Variants in SLC12A9 observed in about 807,000 individuals in gnomAD.
The protein encoded by SLC12A9 is solute carrier family 12 member 9, also known as CCC-interacting protein 1.
Under a neutral mutation model 66.0 loss-of-function variants are expected in SLC12A9, and 55 were observed. The ratio of observed to expected loss-of-function variants is 0.83; its 90% CI spans 0.67 to 1.04. The LOEUF (loss-of-function observed/expected upper bound fraction) is 1.04. Among genes scored for constraint, SLC12A9 ranks in the 50% least tolerant of loss-of-function variants. The probability of loss-of-function intolerance (pLI) is 0.00; values close to 1 mark genes in which losing one functional copy is unlikely to be tolerated. For missense variants in SLC12A9, 1,061 were observed against 1,241.9 expected (o/e 0.85, Z 2.19); for synonymous variants, 577 against 569.0 (o/e 1.01, Z -0.20).
chr7:100,860,697 C>T (rs1015546990), intron 9 of SLC12A9: 3 of 370,808 alleles, frequency 8.1e-6, no homozygotes, highest in African/African-American at 6.3e-5. Context: ...TGCACTTGCA[C>T]TTTACAGGGC....
At chr7:100,851,635 A>C (rs1814081737), upstream of SLC12A9, among the ~76,000 whole-genome samples, 1 of 55,308 alleles carries the variant, frequency 1.8e-5, no homozygotes. Flanking sequence ...TCTACAAAAT[A>C]TTTAAAAATT....
intron 3 of SLC12A9, 57 bp from the exon 4 acceptor site, chr7:100,855,648 CT>C: frequency 6.2e-7 from 1 of 1,610,324 alleles, no homozygotes; most frequent in Non-Finnish European, 8.5e-7. Flanking sequence ...GCTATGGCAA[CT>C]TCCTCACGTC....
In SLC12A9 at chr7:100,852,834, G is replaced by C. The variant is rs1019686410; in HGVS notation, c.-44G>C. 2.6e-5 allele frequency: 4 copies of C among 152,300 alleles called. No homozygotes were observed. Among genetic ancestry groups the C allele is most frequent in the African/African-American group, 9.6e-5 (4 of 41,472 alleles). The allele number at this position is 152,300 out of a possible 1,614,324, so 9.4% of individuals were successfully genotyped here. A position where few individuals can be genotyped will look rare whatever the true frequency, so the allele number is the denominator to read the frequency against. On this transcript the variant is annotated splice_region_variant and 5_prime_UTR_variant, in exon 1 of 14. Coordinates refer to ENST00000354161, the MANE Select transcript of SLC12A9 (RefSeq NM_020246.4). ...ATCGCCCCCGAGCGCTGCGTCCTGCGGGTGGGTGAGTGAGCGCCTCGCGGC... is the reference window on the plus strand; with the variant it reads ...ATCGCCCCCGAGCGCTGCGTCCTGCCGGTGGGTGAGTGAGCGCCTCGCGGC...
chr7:100,844,602 A>G (rs2116537278), intron 1 of SLC12A9, among the ~76,000 whole-genome samples: 1 of 152,300 alleles, frequency 6.6e-6, no homozygotes, highest in South Asian at 2.1e-4. Flanking sequence ...GTGTCATTTA[A>G]GCCACTTAAA....
Position 100,855,982 on chromosome 7 carries a change from C to T in SLC12A9, c.448+145C>T, listed in dbSNP as rs926907872. 17 of 1,288,782 alleles carry T rather than the reference C, an allele frequency of 1.3e-5. No individual in the cohort carries two copies. In the African/African-American group the frequency reaches 1.8e-4, roughly 14 times the overall value. The allele number at this position is 1,288,782 out of a possible 1,614,324, so 79.8% of individuals were successfully genotyped here. A position where few individuals can be genotyped will look rare whatever the true frequency, so the allele number is the denominator to read the frequency against. On this transcript the variant is annotated intron_variant, in intron 4 of 13. Coordinates refer to ENST00000354161, the MANE Select transcript of SLC12A9 (RefSeq NM_020246.4). The stretch of plus-strand genomic sequence containing the variant: ...GGAGCTTCTGCTGTGTGGCCAGCAT[C>T]GTGCAGGAGATATGGACATCCCTGA...
chr7:100,851,710 G>C (rs1814085313), upstream of SLC12A9, among the ~76,000 whole-genome samples: 1 of 146,450 alleles, frequency 6.8e-6, no homozygotes, highest in Non-Finnish European at 1.5e-5. Context: ...GAGGATGCTT[G>C]AGCCGGAAAT....
chr7:100,837,353 G>A (rs1397086037), intron 1 of SLC12A9: 1 of 152,198 alleles, frequency 6.6e-6, no homozygotes, highest in Non-Finnish European at 1.5e-5. Flanking sequence ...AAAAAATGGT[G>A]GAGAGGACGA....
At chr7:100,849,413 C>A (rs1814007491), upstream of SLC12A9, among the ~76,000 whole-genome samples, 1 of 151,656 alleles carries the variant, frequency 6.6e-6, no homozygotes, top group African/African-American at 2.4e-5. Flanking sequence ...AACATTGAGA[C>A]CCAGTCAAGA....
chr7:100,866,143 G>A lies in SLC12A9; in HGVS notation c.2283G>A (p.Trp761Ter). Reference sequence around the variant, plus strand: ...CCATCTTGGGCATGGTGCCCGCTTGGCATAGCGCCCGGCTCCGGATCTTCC... The same window carrying A: ...CCATCTTGGGCATGGTGCCCGCTTGACATAGCGCCCGGCTCCGGATCTTCC... ...MATILGMVPA[W>*]HSARLRIFLC... Residue 761 changes from tryptophan to a stop codon, truncating the protein, a stop_gained, in exon 14 of 14, where the codon TGG (tryptophan) becomes TGA (stop). Coordinates refer to ENST00000354161, the MANE Select transcript of SLC12A9 (RefSeq NM_020246.4). LOFTEE classifies it high-confidence loss of function. This position sits in a 1 kb window ranked among gnomAD's most constrained non-coding sequence, Gnocchi z 7.3. 5 of 1,612,886 alleles carry A rather than the reference G, an allele frequency of 3.1e-6. No homozygotes were observed. The highest frequency in any genetic ancestry group is 8.5e-7 in the Non-Finnish European group (1 of 1,179,810).
At chr7:100,845,019 C>T (rs1813876838) in intron 1 of SLC12A9, among the ~76,000 whole-genome samples, 1 of 151,956 alleles carries the variant, frequency 6.6e-6, no homozygotes, top group Non-Finnish European at 1.5e-5. Flanking sequence ...TTGGTACCTA[C>T]ATACCCAGTT....
At chr7:100,851,231 T>A (rs1414533738), upstream of SLC12A9, among the ~76,000 whole-genome samples, 1 of 152,020 alleles carries the variant, frequency 6.6e-6, no homozygotes, top group Non-Finnish European at 1.5e-5. Context: ...AGAGTCAGAT[T>A]TTTTTCTTTA....
Position 100,862,731 on chromosome 7 carries a change from C to T in SLC12A9, c.1762C>T (p.Leu588=), listed in dbSNP as rs749899996. ...GCCGCAGTATGGGGCATGGCTCAGCCTGGTGGACCGTGCCCAGGTGAAGGC... is the reference window on the plus strand; with the variant it reads ...GCCGCAGTATGGGGCATGGCTCAGCTTGGTGGACCGTGCCCAGGTGAAGGC... ...VQPQYGAWLS[L]VDRAQVKAFV... Residue 588 remains leucine (L), a synonymous_variant, in exon 13 of 14, where the codon CTG becomes TTG. Transcript: ENST00000354161. The T allele has an allele frequency of 1.2e-6, 2 of 1,614,190 alleles. No individual in the cohort carries two copies. Among genetic ancestry groups the T allele is most frequent in the Admixed American group, 1.7e-5 (1 of 60,020 alleles).
At chr7:100,841,392 T>G (rs895629065) in intron 1 of SLC12A9, among the ~76,000 whole-genome samples, 1 of 151,882 alleles carries the variant, frequency 6.6e-6, no homozygotes, top group Non-Finnish European at 1.5e-5. Flanking sequence ...GGCATAAGAA[T>G]GTACATTTTT....
intron 12 of SLC12A9, among the ~76,000 whole-genome samples, chr7:100,862,406 G>A (rs1347255504): frequency 6.6e-6 from 1 of 152,148 alleles, no homozygotes; most frequent in African/African-American, 2.4e-5. Flanking sequence ...CTACAGGTGT[G>A]TGCCACCAGG....
intron 2 of SLC12A9, 52 bp downstream of exon 2, chr7:100,854,430 A>T: frequency 6.3e-7 from 1 of 1,596,194 alleles, no homozygotes; most frequent in Non-Finnish European, 8.5e-7. Flanking sequence ...GGAGGACATG[A>T]TGGGGAGGGG....
intron 1 of SLC12A9, among the ~76,000 whole-genome samples, chr7:100,841,133 T>C (rs1813780988): frequency 6.6e-6 from 1 of 152,084 alleles, no homozygotes; most frequent in Non-Finnish European, 1.5e-5. Context: ...ATATAGTAAA[T>C]TGTTGTCCTG....
chr7:100,857,037 T>G lies in SLC12A9; in HGVS notation c.618T>G (p.Ser206=), dbSNP rs1480134402. Residue 206 remains serine, a synonymous_variant, in exon 5 of 14, where the codon TCT becomes TCG. Transcript: ENST00000354161. ...TFLLVSGSLA[S]VLISFVAVGP... ...TGCTGGTCTCTGGCTCCCTGGCCTCTGTGCTCATCAGTTTTGTGGCTGTGG... is the reference window on the plus strand; with the variant it reads ...TGCTGGTCTCTGGCTCCCTGGCCTCGGTGCTCATCAGTTTTGTGGCTGTGG... 6.2e-7 allele frequency: 1 copy of G among 1,614,238 alleles called. No individual in the cohort carries two copies. Among genetic ancestry groups the G allele is most frequent in the Non-Finnish European group, 8.5e-7 (1 of 1,180,050 alleles).
chr7:100,839,761 G>A (rs773211029), intron 1 of SLC12A9, among the ~76,000 whole-genome samples: 26 of 152,078 alleles, frequency 1.7e-4, no homozygotes, highest in Non-Finnish European at 3.5e-4. Flanking sequence ...GCCCACTCCA[G>A]GCCAGGTGTG....
intron 13 of SLC12A9, among the ~76,000 whole-genome samples, chr7:100,863,974 G>A (rs1814920238): frequency 6.6e-6 from 1 of 152,138 alleles, no homozygotes; most frequent in Non-Finnish European, 1.5e-5. Flanking sequence ...GAACATCTGA[G>A]AGCCTGGTCT....
Sources: gnomAD v4.1 joint callset for allele counts (sites outside exome capture counted in the v4.1 genomes callset) on GRCh38, gnomAD v4.1.1 for gene constraint, Gnocchi (gnomAD v3.1) non-coding constraint, MANE v1.5 for transcripts, NCBI Gene and HGNC (gene_info 2026-07-23, HGNC 2026-07-21) for gene names.